The following SYNPR variants were observed in gnomAD, a reference collection of about 807,000 sequenced individuals.
SYNPR encodes the protein synaptoporin.
Under a neutral mutation model 32.9 loss-of-function variants are expected in SYNPR, and 23 were observed. The ratio of observed to expected loss-of-function variants is 0.70; its 90% CI spans 0.50 to 0.99. SYNPR has a LOEUF of 0.99. Ranked by LOEUF, SYNPR falls within the 50% of genes least tolerant of loss-of-function variation. The pLI is 0.00. For missense variants in SYNPR, 318 were observed against 349.3 expected, an observed-to-expected ratio of 0.91 and a Z score of 0.71; for synonymous variants, 146 against 135.9, an observed-to-expected ratio of 1.07 and a Z score of -0.52.
chr3:63,394,289 C>T (rs1024753778), intron 2 of SYNPR, among the ~76,000 whole-genome samples: 1 of 152,124 alleles, frequency 6.6e-6, no homozygotes, highest in African/African-American at 2.4e-5. Context: ...GTTCTATTTT[C>T]TGCTCATTCT....
chr3:63,346,171 C>T (rs2087434330), intron 2 of SYNPR, among the ~76,000 whole-genome samples: 2 of 152,098 alleles, frequency 1.3e-5, no homozygotes, highest in African/African-American at 4.8e-5. Flanking sequence ...TCATTAGAGC[C>T]ATTTTGGAGT....
chr3:63,291,818 G>GT (rs1158253804), intron 2 of SYNPR, among the ~76,000 whole-genome samples: 24 of 143,624 alleles, frequency 1.7e-4, no homozygotes, highest in Non-Finnish European at 3.3e-4. Flanking sequence ...AAATATTGTA[G>GT]TTTCTTTCTT....
At chr3:63,581,789 A>C (rs1392484924) in intron 4 of SYNPR, among the ~76,000 whole-genome samples, 1 of 151,068 alleles carries the variant, frequency 6.6e-6, no homozygotes, top group African/African-American at 2.5e-5. Flanking sequence ...TGGTTTTCTT[A>C]TTACAAAAAA....
chr3:63,492,641 A>T (rs1701277262), intron 3 of SYNPR, among the ~76,000 whole-genome samples: 1 of 152,082 alleles, frequency 6.6e-6, no homozygotes, highest in Non-Finnish European at 1.5e-5. Flanking sequence ...TCCCATAGGG[A>T]AGTGACAAGC....
intron 4 of SYNPR, among the ~76,000 whole-genome samples, chr3:63,565,070 T>C (rs961284063): frequency 4.6e-5 from 7 of 152,168 alleles, no homozygotes; most frequent in Admixed American, 1.3e-4. Context: ...AAAGCCCCAG[T>C]GTGTCTTTCC....
At chr3:63,577,514 A>C (rs146560076) in intron 4 of SYNPR, among the ~76,000 whole-genome samples, 106 of 152,258 alleles carry the variant, frequency 7.0e-4, no homozygotes, top group Middle Eastern at 3.4e-3. Flanking sequence ...TGTGAGAAAA[A>C]AATGTGGGCT....
At position 63,615,733 on chromosome 3, in the gene SYNPR, T is replaced by A. The variant is rs1165925931; in HGVS notation, c.*252T>A. The A allele has an allele frequency of 5.2e-6, 2 of 386,506 alleles. No individual in the cohort carries two copies. Among genetic ancestry groups the A allele is most frequent in the Non-Finnish European group, 9.1e-6 (2 of 218,594 alleles). The allele number at this position is 386,506 out of a possible 1,614,324, so 23.9% of individuals were successfully genotyped here. ...TACCTTGTTATATATACAGATACTT[T>A]CATGGTCATTTTGTATGTATGTTAA... On this transcript the variant is annotated 3_prime_UTR_variant, in exon 6 of 6. Coordinates refer to ENST00000478300, the MANE Select transcript of SYNPR (RefSeq NM_001130003.2).
At chr3:63,608,231 C>T (rs1380888789) in intron 4 of SYNPR, among the ~76,000 whole-genome samples, 3 of 152,036 alleles carry the variant, frequency 2.0e-5, no homozygotes, top group Non-Finnish European at 4.4e-5. Flanking sequence ...TGGAGATGGT[C>T]TCTACAATAC....
intron 3 of SYNPR, among the ~76,000 whole-genome samples, chr3:63,530,001 G>A (rs914666591): frequency 4.6e-5 from 7 of 152,060 alleles, no homozygotes; most frequent in East Asian, 1.9e-4. Context: ...AGCAGCTAGC[G>A]GGAAGGGACA....
At chr3:63,268,934 T>C (rs946191196) in intron 3 of SYNPR, among the ~76,000 whole-genome samples, 5 of 152,224 alleles carry the variant, frequency 3.3e-5, no homozygotes, top group Non-Finnish European at 7.3e-5. Flanking sequence ...AATTTCTAGG[T>C]AATTTTACTC....
At chr3:63,270,409 T>A (rs750158991) in intron 3 of SYNPR, among the ~76,000 whole-genome samples, 5 of 152,072 alleles carry the variant, frequency 3.3e-5, no homozygotes, top group African/African-American at 7.2e-5. Context: ...GCAAAAATCA[T>A]CCGTAGTAAG....
chr3:63,238,007 G>T (rs1309218994), intron 1 of SYNPR, among the ~76,000 whole-genome samples: 3 of 152,088 alleles, frequency 2.0e-5, no homozygotes, highest in South Asian at 2.1e-4. Flanking sequence ...TTGTTGGTGG[G>T]ACTCCTTCTT....
At chr3:63,610,259 A>G (rs1004226728) in intron 5 of SYNPR, among the ~76,000 whole-genome samples, 1 of 152,222 alleles carries the variant, frequency 6.6e-6, no homozygotes, top group Admixed American at 6.5e-5. Context: ...GACAGTTAGC[A>G]GGGACACTAA....
intron 3 of SYNPR, among the ~76,000 whole-genome samples, chr3:63,271,511 T>C (rs2106909566): frequency 6.6e-6 from 1 of 152,282 alleles, no homozygotes; most frequent in East Asian, 1.9e-4. Flanking sequence ...CTGGAGAATA[T>C]AATAAAGTGA....
chr3:63,465,913 A>T (rs1700669550), intron 2 of SYNPR, among the ~76,000 whole-genome samples: 1 of 151,758 alleles, frequency 6.6e-6, no homozygotes, highest in Non-Finnish European at 1.5e-5. Flanking sequence ...TTGGTTTTTT[A>T]ACTTTATTTT....
At chr3:63,607,152 T>G (rs1357669887) in intron 4 of SYNPR, among the ~76,000 whole-genome samples, 1 of 152,176 alleles carries the variant, frequency 6.6e-6, no homozygotes, top group Non-Finnish European at 1.5e-5. Flanking sequence ...CATCATACTA[T>G]AGGTAATGCT....
intron 4 of SYNPR, among the ~76,000 whole-genome samples, chr3:63,603,922 A>T (rs536665702): frequency 6.6e-6 from 1 of 152,152 alleles, no homozygotes; most frequent in Non-Finnish European, 1.5e-5. Flanking sequence ...TTTTGGTAGG[A>T]ATGGTCCCAA....
At chr3:63,464,075 G>A (rs564447436) in intron 2 of SYNPR, among the ~76,000 whole-genome samples, 1 of 152,294 alleles carries the variant, frequency 6.6e-6, no homozygotes, top group South Asian at 2.1e-4. Context: ...TTAGAGTAAA[G>A]AAGGGATGCA....
intron 3 of SYNPR, among the ~76,000 whole-genome samples, chr3:63,269,167 A>G (rs1435351712): frequency 6.6e-6 from 1 of 152,208 alleles, no homozygotes; most frequent in Non-Finnish European, 1.5e-5. Context: ...TTCAAGTTGA[A>G]ACAAATATGT....
Sources: allele counts gnomAD v4.1 joint callset (sites outside exome capture counted in the v4.1 genomes callset), GRCh38; gene constraint gnomAD v4.1.1; transcripts MANE v1.5; gene names NCBI Gene and HGNC (gene_info 2026-07-23, HGNC 2026-07-21).